CTNNA2: variants seen among roughly 807,000 people sequenced by gnomAD.
CTNNA2 encodes catenin alpha 2, also known as catenin alpha-2.
A neutral mutation model predicts 101.0 loss-of-function variants in CTNNA2; 42 were observed. The ratio of observed to expected loss-of-function variants is 0.42; its 90% CI spans 0.32 to 0.54. The LOEUF is 0.54. Among genes scored for constraint, CTNNA2 ranks in the 20% least tolerant of loss-of-function variants. The pLI is 0.14. For missense variants in CTNNA2, 871 were observed against 1,223.1 expected (o/e 0.71, Z 4.29); for synonymous variants, 450 against 456.4 (o/e 0.99, Z 0.18).
At chr2:79,826,086 C>T (rs769228622) in intron 3 of CTNNA2, among the ~76,000 whole-genome samples, 10 of 151,616 alleles carry the variant, frequency 6.6e-5, no homozygotes, top group Non-Finnish European at 1.3e-4. Context: ...CAAAAAGTGG[C>T]GTATATGTTA....
chr2:80,274,366 T>C (rs1673731551), intron 7 of CTNNA2, among the ~76,000 whole-genome samples: 1 of 152,218 alleles, frequency 6.6e-6, no homozygotes, highest in South Asian at 2.1e-4. Context: ...ATAGTCTTCG[T>C]GCTGGAGCTC....
chr2:80,013,753 C>A (rs892793374), intron 7 of CTNNA2, among the ~76,000 whole-genome samples: 13 of 152,172 alleles, frequency 8.5e-5, no homozygotes, highest in African/African-American at 2.9e-4. Flanking sequence ...CGTGTACATG[C>A]TATTGGCCAG....
intron 7 of CTNNA2, among the ~76,000 whole-genome samples, chr2:80,059,855 G>A (rs7596307): frequency 0.64 from 97,056 of 152,086 alleles, 31,606 homozygotes; most frequent in East Asian, 0.84. Context: ...CATAGCAGCC[G>A]TAACCATTGA....
intron 15 of CTNNA2, among the ~76,000 whole-genome samples, chr2:80,602,608 A>G (rs1344525020): frequency 1.3e-5 from 2 of 152,122 alleles, no homozygotes; most frequent in Non-Finnish European, 2.9e-5. Context: ...CAGATTCTGT[A>G]TCCAAGTGTT....
At chr2:80,417,265 T>C (rs1412222249) in intron 8 of CTNNA2, among the ~76,000 whole-genome samples, 5 of 151,524 alleles carry the variant, frequency 3.3e-5, no homozygotes, top group Admixed American at 2.6e-4. Context: ...TTTTTTTTGG[T>C]GAGAATATTA....
At position 80,071,914 on chromosome 2, in the gene CTNNA2, C is replaced by G. The variant is rs931972198; in HGVS notation, c.1056+162117C>G. Among the ~76,000 whole-genome samples the G allele has an allele frequency of 2.0e-5, 3 of 152,082 alleles. 1 individual carries two copies. The East Asian group carries it at 5.8e-4, about 29-fold the overall frequency. On this transcript the variant is annotated intron_variant, in intron 7 of 18. Coordinates refer to ENST00000402739, the MANE Select transcript of CTNNA2 (RefSeq NM_001282597.3). ...CAAATGAAAATAGTAAAGTTTATCT[C>G]CTGCAGAGTTATTGGAAGAGAACAA...
At chr2:79,292,837 T>G (rs1478124970) in intron 2 of CTNNA2, 1 of 152,240 alleles carries the variant, frequency 6.6e-6, no homozygotes, top group African/African-American at 2.4e-5. Context: ...TTTGGAGCAT[T>G]TCTGAGTGGG....
intron 4 of CTNNA2, among the ~76,000 whole-genome samples, chr2:79,428,524 C>T (rs142916476): frequency 6.6e-5 from 10 of 151,850 alleles, no homozygotes; most frequent in African/African-American, 2.4e-4. Context: ...GTCCTGGGGC[C>T]GCTGACTGGA....
chr2:79,705,098 A>G (rs7587894), intron 2 of CTNNA2, among the ~76,000 whole-genome samples: 102,289 of 151,864 alleles, frequency 0.67, 34,967 homozygotes, highest in East Asian at 0.93. Context: ...CAAGGATGCT[A>G]CTAAACATCC....
chr2:79,559,600 T>C (rs1220202425), intron 1 of CTNNA2, among the ~76,000 whole-genome samples: 1 of 151,932 alleles, frequency 6.6e-6, no homozygotes, highest in Non-Finnish European at 1.5e-5. Context: ...ACTGTGAAGA[T>C]GGTGATATCA....
At chr2:79,332,619 G>T (rs1289327964) in intron 3 of CTNNA2, among the ~76,000 whole-genome samples, 4 of 152,136 alleles carry the variant, frequency 2.6e-5, no homozygotes, top group African/African-American at 9.7e-5. Flanking sequence ...AGAAACATAC[G>T]TTTTAAAAAT....
intron 7 of CTNNA2, among the ~76,000 whole-genome samples, chr2:80,242,497 G>T (rs895599218): frequency 3.3e-5 from 5 of 152,128 alleles, no homozygotes; most frequent in Admixed American, 2.6e-4. Context: ...CTACATATTT[G>T]TAGTCATAAA....
intron 15 of CTNNA2, among the ~76,000 whole-genome samples, chr2:80,603,291 A>G (rs1697714546): frequency 6.6e-6 from 1 of 152,130 alleles, no homozygotes; most frequent in African/African-American, 2.4e-5. Flanking sequence ...CATTTCCCTT[A>G]TAATAAATAT....
intron 4 of CTNNA2, among the ~76,000 whole-genome samples, chr2:79,419,377 G>C (rs548785500): frequency 1.3e-5 from 2 of 152,170 alleles, no homozygotes; most frequent in Non-Finnish European, 2.9e-5. Context: ...GAATAATGAA[G>C]TTAGTTAATA....
At chr2:80,499,326 T>G (rs1255972763) in intron 9 of CTNNA2, among the ~76,000 whole-genome samples, 1 of 152,176 alleles carries the variant, frequency 6.6e-6, no homozygotes, top group Non-Finnish European at 1.5e-5. Context: ...GCAGTGAACT[T>G]AGTGGATGTA....
chr2:80,024,416 G>A (rs1451690307), intron 7 of CTNNA2, among the ~76,000 whole-genome samples: 1 of 152,210 alleles, frequency 6.6e-6, no homozygotes, highest in African/African-American at 2.4e-5. Flanking sequence ...AAGCTAGCTA[G>A]GTAGAGAAGG....
At chr2:80,323,135 A>T (rs1184034433) in intron 7 of CTNNA2, among the ~76,000 whole-genome samples, 1 of 152,148 alleles carries the variant, frequency 6.6e-6, no homozygotes, top group African/African-American at 2.4e-5. Flanking sequence ...CACTGGTCGC[A>T]CCTTTCTTCT....
intron 7 of CTNNA2, among the ~76,000 whole-genome samples, chr2:80,291,698 A>C (rs1056117961): frequency 2.0e-5 from 3 of 152,136 alleles, no homozygotes; most frequent in Non-Finnish European, 1.5e-5. Flanking sequence ...GCAGTTTTTC[A>C]CCTCCAGGAA....
chr2:79,485,767 C>A (rs912486855), intron 4 of CTNNA2, among the ~76,000 whole-genome samples: 52 of 152,324 alleles, frequency 3.4e-4, no homozygotes, highest in African/African-American at 1.1e-3. Context: ...CAGGCAACAT[C>A]TCCCCTTTAT....
Sources: allele counts gnomAD v4.1 joint callset (sites outside exome capture counted in the v4.1 genomes callset), GRCh38; gene constraint gnomAD v4.1.1; transcripts MANE v1.5; gene names NCBI Gene and HGNC (gene_info 2026-07-23, HGNC 2026-07-21).